LRBA: variants seen among roughly 807,000 people sequenced by gnomAD.
LRBA encodes the protein LPS responsive beige-like anchor protein, also known as lipopolysaccharide-responsive and beige-like anchor protein.
LRBA carries 176 observed loss-of-function variants against 330.0 expected under a neutral mutation model. The ratio of observed to expected loss-of-function variants is 0.53; its 90% CI spans 0.47 to 0.60. The LOEUF is 0.60. Ranked by LOEUF, LRBA falls within the 20% of genes least tolerant of loss-of-function variation. The pLI is 0.00. For missense variants in LRBA, 3,259 were observed against 3,444.8 expected (o/e 0.95, Z 1.35); for synonymous variants, 1,230 against 1,193.0 (o/e 1.03, Z -0.64).
intron 33 of LRBA, 142 bp from the exon 34 acceptor site, chr4:150,798,284 C>T: frequency 1.8e-6 from 1 of 563,488 alleles, no homozygotes; most frequent in Non-Finnish European, 3.2e-6. Context: ...ATAAGGTACA[C>T]TATAGTTAGT....
chr4:150,726,815 T>C (rs1178174688), intron 36 of LRBA, among the ~76,000 whole-genome samples: 2 of 151,968 alleles, frequency 1.3e-5, no homozygotes, highest in Non-Finnish European at 2.9e-5. Context: ...CAAGATGAGA[T>C]TTGGATGGGG....
At chr4:150,730,256 A>C (rs1187515425) in intron 36 of LRBA, among the ~76,000 whole-genome samples, 1 of 152,234 alleles carries the variant, frequency 6.6e-6, no homozygotes, top group African/African-American at 2.4e-5. Flanking sequence ...ATCTGACAAG[A>C]GATTAATAAG....
Position 150,851,982 on chromosome 4 carries a change from T to C in LRBA, c.3728A>G (p.Lys1243Arg). ...SEASSEQKIAKLDVSNVATDT... is the reference protein window; with the variant it reads ...SEASSEQKIARLDVSNVATDT... ...TGTAGCAACATTGGAAACATCCAAC[T>C]TCGCAATCTTTTGCTCAGAAGAAGC... The change falls in exon 23 of 57, where the codon AAG (lysine) becomes AGG (arginine). Residue 1243 changes from lysine to arginine, a missense_variant. By Grantham distance (26) the Lys-to-Arg change is conservative. Transcript: ENST00000651943. 1.2e-6 allele frequency: 2 copies of C among 1,614,162 alleles called. No individual in the cohort carries two copies. The highest frequency in any genetic ancestry group is 8.5e-7 in the Non-Finnish European group (1 of 1,180,008).
intron 36 of LRBA, among the ~76,000 whole-genome samples, chr4:150,708,673 GA>G (rs1785877694): frequency 6.6e-6 from 1 of 151,696 alleles, no homozygotes; most frequent in Non-Finnish European, 1.5e-5. Context: ...TAAAATGCTA[GA>G]AAATTGAATT....
chr4:150,513,124 G>A (rs1451736923), intron 40 of LRBA, among the ~76,000 whole-genome samples: 1 of 152,064 alleles, frequency 6.6e-6, no homozygotes, highest in Admixed American at 6.5e-5. Context: ...ATGTATGATG[G>A]CACACAAAAA....
At chr4:150,798,492 G>A (rs528102991) in intron 33 of LRBA, among the ~76,000 whole-genome samples, 10 of 151,970 alleles carry the variant, frequency 6.6e-5, no homozygotes, top group Non-Finnish European at 1.5e-4. Context: ...TGCAGAGAAG[G>A]GAAATGGCTC....
intron 2 of LRBA, among the ~76,000 whole-genome samples, chr4:150,957,409 C>A (rs76869548): frequency 2.0e-5 from 3 of 148,444 alleles, no homozygotes; most frequent in Non-Finnish European, 4.4e-5. Flanking sequence ...GAGAACAGCA[C>A]GGAAAGACCT....
intron 47 of LRBA, among the ~76,000 whole-genome samples, chr4:150,405,032 C>T (rs182162643): frequency 0.01 from 1,543 of 152,216 alleles, 19 homozygotes; most frequent in South Asian, 0.039. Context: ...TGAACTTTAA[C>T]GGTGGGAGGC....
At chr4:150,768,351 T>TA (rs1261528106) in intron 34 of LRBA, among the ~76,000 whole-genome samples, 2 of 152,078 alleles carry the variant, frequency 1.3e-5, no homozygotes, top group Non-Finnish European at 2.9e-5. Flanking sequence ...ACTGAGTACA[T>TA]ACGAAGGTGG....
intron 42 of LRBA, among the ~76,000 whole-genome samples, chr4:150,482,249 T>A (rs1465395801): frequency 6.6e-6 from 1 of 152,124 alleles, no homozygotes; most frequent in Non-Finnish European, 1.5e-5. Flanking sequence ...CCCTAACAGC[T>A]ATGCTTTTTC....
intron 35 of LRBA, among the ~76,000 whole-genome samples, chr4:150,748,642 G>A (rs986659967): frequency 6.6e-6 from 1 of 151,388 alleles, no homozygotes. Context: ...ACTCCAGCCT[G>A]GGTGACAAAG....
At chr4:150,762,064 T>G (rs556872246) in intron 34 of LRBA, among the ~76,000 whole-genome samples, 42 of 152,114 alleles carry the variant, frequency 2.8e-4, no homozygotes, top group African/African-American at 1.0e-3. Flanking sequence ...CTATCTATAT[T>G]TATCTTGCCC....
At chr4:150,503,704 C>T (rs1028870621) in intron 40 of LRBA, among the ~76,000 whole-genome samples, 9 of 152,164 alleles carry the variant, frequency 5.9e-5, no homozygotes, top group Admixed American at 5.9e-4. Context: ...TCCATAGGAA[C>T]GCAGCTCCTC....
intron 40 of LRBA, among the ~76,000 whole-genome samples, chr4:150,503,012 C>G (rs2152119921): frequency 6.6e-6 from 1 of 152,306 alleles, no homozygotes; most frequent in African/African-American, 2.4e-5. Flanking sequence ...GGGAGGGGTG[C>G]CCAACATTGC....
At chr4:150,456,685 T>A (rs1406454045) in intron 44 of LRBA, among the ~76,000 whole-genome samples, 1 of 152,156 alleles carries the variant, frequency 6.6e-6, no homozygotes, top group East Asian at 1.9e-4. Context: ...CTTGATGTGG[T>A]CCCATTTGCC....
At chr4:150,737,698 G>C (rs887600329) in intron 35 of LRBA, among the ~76,000 whole-genome samples, 1 of 152,004 alleles carries the variant, frequency 6.6e-6, no homozygotes, top group South Asian at 2.1e-4. Flanking sequence ...GCTCCCAAAA[G>C]AATTTAGCTT....
At chr4:150,483,121 G>A (rs762480071) in intron 42 of LRBA, among the ~76,000 whole-genome samples, 4 of 151,904 alleles carry the variant, frequency 2.6e-5, no homozygotes, top group African/African-American at 4.8e-5. Flanking sequence ...TAGCACTTAC[G>A]TTTGTCTACA....
At chr4:150,551,135 T>C (rs1384574169) in intron 40 of LRBA, among the ~76,000 whole-genome samples, 2 of 152,150 alleles carry the variant, frequency 1.3e-5, no homozygotes, top group East Asian at 3.9e-4. Context: ...CCTCTTGCTC[T>C]CTCTGTCTCA....
intron 48 of LRBA, among the ~76,000 whole-genome samples, chr4:150,347,001 G>GTA (rs59975091): frequency 0.21 from 31,397 of 151,456 alleles, 3,907 homozygotes; most frequent in Non-Finnish European, 0.29. Context: ...ACAAAATGTG[G>GTA]TATATATATA....
Sources: allele counts gnomAD v4.1 joint callset (sites outside exome capture counted in the v4.1 genomes callset), GRCh38; gene constraint gnomAD v4.1.1; transcripts MANE v1.5; gene names NCBI Gene and HGNC (gene_info 2026-07-23, HGNC 2026-07-21).